CALY: variants seen among roughly 807,000 people sequenced by gnomAD.
The protein encoded by CALY is neuron-specific vesicular protein calcyon.
CALY carries 15 observed loss-of-function variants against 20.2 expected under a neutral mutation model. The ratio of observed to expected loss-of-function variants is 0.74; its 90% CI spans 0.50 to 1.14. The LOEUF is 1.14. CALY is among the 50% of genes most tolerant of loss of function. The pLI, the probability that CALY is intolerant of heterozygous loss-of-function variation, is 0.00. For synonymous variants in CALY, 129 were observed against 131.8 expected, an observed-to-expected ratio of 0.98 and a Z score of 0.15; for missense variants, 270 against 304.4, an observed-to-expected ratio of 0.89 and a Z score of 0.84.
intron 3 of CALY, 90 bp from the exon 4 acceptor site, chr10:133,327,081 TCCCCGCCCTCCAGTCTTGATGCCCCAC>T: frequency 1.2e-6 from 1 of 856,194 alleles, no homozygotes; most frequent in Non-Finnish European, 1.9e-6. Context: ...CACAGGACCA[TCCCCGCCCTCCAGTCTTGATGCCCCAC>T]CCCCGCCCTG....
Position 133,325,910 on chromosome 10 carries a change from G to T in CALY, c.571C>A (p.Pro191Thr), listed in dbSNP as rs948302334. ...QAGAAAAATE[P>T]PGKPSAKAEK... ...GCCTTGGCCGACGGCTTCCCGGGGGGTTCGGTGGCCGCCGCCGCCGCCCCA... is the reference window on the plus strand; with the variant it reads ...GCCTTGGCCGACGGCTTCCCGGGGGTTTCGGTGGCCGCCGCCGCCGCCCCA... The change falls in exon 5 of 6, where the codon CCC (proline) becomes ACC (threonine). Residue 191 changes from proline to threonine, a missense_variant. By Grantham distance (38) the Pro-to-Thr change is conservative. Transcript: ENST00000252939. 1.5e-6 allele frequency: 2 copies of T among 1,299,836 alleles called. No individual in the cohort carries two copies. The highest frequency in any genetic ancestry group is 2.0e-6 in the Non-Finnish European group (2 of 1,022,150). 80.5% of individuals were successfully genotyped at this position (1,299,836 alleles called of 1,614,324 possible).
intron 1 of CALY, among the ~76,000 whole-genome samples, chr10:133,334,633 G>GAGGA (rs1281188400): frequency 2.0e-5 from 3 of 151,778 alleles, no homozygotes; most frequent in African/African-American, 7.3e-5. Context: ...AGGATCAGGG[G>GAGGA]AGGAAGGATT....
At position 133,329,273 on chromosome 10, in the gene CALY, G is replaced by C. The variant is rs557976115; in HGVS notation, c.-20-264C>G. The stretch of plus-strand genomic sequence containing the variant: ...AGCGCCCCAACCAGTGACTGTCCAC[G>C]AAGCAGGGGGAGACTTCCAACGGCA... On this transcript the variant is annotated intron_variant, in intron 1 of 5. Coordinates refer to ENST00000252939, the MANE Select transcript of CALY (RefSeq NM_015722.4). Among the ~76,000 whole-genome samples the C allele has an allele frequency of 2.3e-3, 348 of 152,326 alleles. 1 individual carries two copies. The highest frequency in any genetic ancestry group is 4.6e-3 in the Non-Finnish European group (316 of 68,038).
At chr10:133,329,999 C>G (rs1250349520) in intron 1 of CALY, among the ~76,000 whole-genome samples, 1 of 152,248 alleles carries the variant, frequency 6.6e-6, no homozygotes, top group Non-Finnish European at 1.5e-5. Flanking sequence ...AAAGCCACAG[C>G]AGGGCCCCGC....
intron 1 of CALY, among the ~76,000 whole-genome samples, chr10:133,336,233 C>G (rs1170649758): frequency 6.6e-6 from 1 of 152,038 alleles, no homozygotes; most frequent in Non-Finnish European, 1.5e-5. Context: ...GGGCGCGCAG[C>G]TGCTCCCGCT....
chr10:133,329,392 C>CTTTTTTTTTTTTTTTTTTT (rs112012967), intron 1 of CALY, among the ~76,000 whole-genome samples: 83 of 137,436 alleles, frequency 6.0e-4, no homozygotes, highest in African/African-American at 2.1e-3. Flanking sequence ...TCTTCTTCTT[C>CTTTTTTTTTTTTTTTTTTT]TTTTTTTTTT....
At position 133,324,665 on chromosome 10, in the gene CALY, G is replaced by A; in HGVS notation, c.*930C>T. On this transcript the variant is annotated 3_prime_UTR_variant, in exon 6 of 6. Coordinates refer to ENST00000252939, the MANE Select transcript of CALY (RefSeq NM_015722.4). The stretch of plus-strand genomic sequence containing the variant: ...CGGGGCTGCAGAGCTGCTGCTGGCT[G>A]GGGTGGTGCAGGTGGTGGGTGAGAT... 2.8e-6 allele frequency: 1 copy of A among 361,072 alleles called. No homozygotes were observed. Among genetic ancestry groups the A allele is most frequent in the Non-Finnish European group, 5.4e-6 (1 of 184,752 alleles). 22.4% of individuals were successfully genotyped at this position (361,072 alleles called of 1,614,324 possible). A position where few individuals can be genotyped will look rare whatever the true frequency, so the allele number is the denominator to read the frequency against.
In CALY at chr10:133,326,249, G is replaced by A. The variant is rs753116650; in HGVS notation, c.361-129C>T. On this transcript the variant is annotated intron_variant, in intron 4 of 5. Transcript: ENST00000252939. ...AATGGAGCCATGGCTTCAGGACACC[G>A]AAGATCAGCCTCCAGTTCAGAACTC... The A allele has an allele frequency of 7.7e-6, 12 of 1,550,448 alleles. No individual in the cohort carries two copies. The African/African-American group carries it at 9.6e-5, about 12-fold the overall frequency.
At chr10:133,330,585 G>A (rs1323560316) in intron 1 of CALY, among the ~76,000 whole-genome samples, 3 of 140,498 alleles carry the variant, frequency 2.1e-5, no homozygotes, top group Non-Finnish European at 4.6e-5. Context: ...GTGAACCTGG[G>A]AGGCGGAGCT....
chr10:133,328,995 A>G lies in CALY; in HGVS notation c.-6T>C. 1 of 1,559,212 alleles carries G rather than the reference A, an allele frequency of 6.4e-7. No homozygotes were observed. The highest frequency in any genetic ancestry group is 1.7e-4 in the Middle Eastern group (1 of 5,780). On this transcript the variant is annotated 5_prime_UTR_variant, in exon 2 of 6. Transcript: ENST00000252939. ...CTGCAGCCCAGCTTCACCATGGTGG[A>G]TGGCAGTCCTTGTCCTGTCCAAAGA...
chr10:133,329,704 C>G (rs1213879916), intron 1 of CALY, among the ~76,000 whole-genome samples: 3 of 152,176 alleles, frequency 2.0e-5, no homozygotes, highest in African/African-American at 7.2e-5. Context: ...CAATCCCGGA[C>G]ATCAGTATGG....
At position 133,324,734 on chromosome 10, in the gene CALY, G is replaced by A; in HGVS notation, c.*861C>T. The A allele has an allele frequency of 6.1e-6, 1 of 165,194 alleles. No individual in the cohort carries two copies. Among genetic ancestry groups the A allele is most frequent in the South Asian group, 5.5e-5 (1 of 18,280 alleles). 10.2% of individuals were successfully genotyped at this position (165,194 alleles called of 1,614,324 possible). ...CTGTAGTGTTCAGTGCCGGGAGTTG[G>A]CTGGGGCTGGGGTGGGGATGCTGGG... On this transcript the variant is annotated 3_prime_UTR_variant, in exon 6 of 6. Coordinates refer to ENST00000252939, the MANE Select transcript of CALY (RefSeq NM_015722.4).
At chr10:133,325,678 C>A in intron 5 of CALY, 112 bp from the exon 6 acceptor site, 1 of 448,392 alleles carries the variant, frequency 2.2e-6, no homozygotes, top group Non-Finnish European at 3.4e-6. Context: ...GAGGTTCTGG[C>A]GGGCCGGGTC....
At chr10:133,332,613 T>C (rs956970638) in intron 1 of CALY, among the ~76,000 whole-genome samples, 2 of 152,062 alleles carry the variant, frequency 1.3e-5, no homozygotes, top group Non-Finnish European at 2.9e-5. Context: ...TGAGGGTGCA[T>C]TGTGGGTTGA....
chr10:133,335,852 G>A (rs1367098396), intron 1 of CALY, among the ~76,000 whole-genome samples: 3 of 152,214 alleles, frequency 2.0e-5, no homozygotes, highest in Non-Finnish European at 2.9e-5. Context: ...CGGGGAAGGC[G>A]TGGGATGCTG....
At chr10:133,326,168 C>A in intron 4 of CALY, 48 bp from the exon 5 acceptor site, 2 of 1,574,474 alleles carry the variant, frequency 1.3e-6, no homozygotes, top group Non-Finnish European at 1.7e-6. Context: ...CCCTCCTGTG[C>A]GCCCCGGGCC....
At chr10:133,327,246 G>GC (rs1422130682) in intron 3 of CALY, among the ~76,000 whole-genome samples, 2 of 152,252 alleles carry the variant, frequency 1.3e-5, no homozygotes, top group Non-Finnish European at 2.9e-5. Context: ...AAGTGATGTG[G>GC]CCTTTGACCC....
chr10:133,329,837 G>T (rs1848274056), intron 1 of CALY, among the ~76,000 whole-genome samples: 1 of 150,592 alleles, frequency 6.6e-6, no homozygotes, highest in Admixed American at 6.6e-5. Flanking sequence ...TATGGGACGT[G>T]CTTATCCTGA....
intron 1 of CALY, among the ~76,000 whole-genome samples, chr10:133,335,884 G>A (rs997694706): frequency 6.6e-5 from 10 of 152,154 alleles, no homozygotes; most frequent in Non-Finnish European, 1.5e-4. Context: ...GTGGGGGCGC[G>A]GGTGAGTGAG....
Sources: gnomAD v4.1 joint callset for allele counts (sites outside exome capture counted in the v4.1 genomes callset) on GRCh38, gnomAD v4.1.1 for gene constraint, MANE v1.5 for transcripts, NCBI Gene and HGNC (gene_info 2026-07-23, HGNC 2026-07-21) for gene names.